The following FMN2 variants were observed in gnomAD, a reference collection of about 807,000 sequenced individuals.
The protein encoded by FMN2 is formin-2.
In FMN2, 51 loss-of-function variants were observed where a neutral mutation model predicts 142.3. That is an observed-to-expected ratio of 0.36 (90% confidence interval 0.29 to 0.45). The LOEUF is 0.45. Among genes scored for constraint, FMN2 ranks in the 20% least tolerant of loss-of-function variants. The pLI, the probability that FMN2 is intolerant of heterozygous loss-of-function variation, is 1.00. For synonymous variants in FMN2, 882 were observed against 869.8 expected, an observed-to-expected ratio of 1.01 and a Z score of -0.25; for missense variants, 1,936 against 2,122.8, an observed-to-expected ratio of 0.91 and a Z score of 1.73.
intron 7 of FMN2, among the ~76,000 whole-genome samples, chr1:240,269,072 T>C (rs920654073): frequency 2.0e-5 from 3 of 152,044 alleles, no homozygotes; most frequent in Non-Finnish European, 4.4e-5. Context: ...CATTTGTCTA[T>C]TTTCTACTTT....
At chr1:240,144,154 T>C in intron 2 of FMN2, 1 of 1,377,172 alleles carries the variant, frequency 7.3e-7, no homozygotes, top group Non-Finnish European at 1.0e-6. Context: ...GCAGCTGCAC[T>C]CAACATTCCG....
intron 15 of FMN2, among the ~76,000 whole-genome samples, chr1:240,399,001 C>T (rs535216267): frequency 1.3e-5 from 2 of 151,818 alleles, no homozygotes; most frequent in East Asian, 3.9e-4. Flanking sequence ...GGATTGCAGC[C>T]CTGGGCAGTC....
chr1:240,143,736 C>G (rs1468832045), intron 2 of FMN2: 12 of 1,536,784 alleles, frequency 7.8e-6, no homozygotes, highest in Non-Finnish European at 9.0e-6. Context: ...AGTCCTTGAG[C>G]TCAGTACTTC....
intron 7 of FMN2, among the ~76,000 whole-genome samples, chr1:240,286,424 C>T (rs1479069295): frequency 1.3e-5 from 2 of 152,150 alleles, no homozygotes; most frequent in Non-Finnish European, 2.9e-5. Context: ...ATCCAGTGCT[C>T]CTTGTTTCTG....
At chr1:240,370,278 T>G (rs1242035977) in intron 14 of FMN2, among the ~76,000 whole-genome samples, 1 of 152,202 alleles carries the variant, frequency 6.6e-6, no homozygotes, top group Non-Finnish European at 1.5e-5. Flanking sequence ...GTTCTGAAAC[T>G]TTTTGATATC....
Position 240,328,958 on chromosome 1 carries a change from G to A in FMN2, c.4216-118G>A, listed in dbSNP as rs981608783. On this transcript the variant is annotated intron_variant, in intron 8 of 17. Coordinates refer to ENST00000319653, the MANE Select transcript of FMN2 (RefSeq NM_020066.5). ...ACTATATACAGATGCTAAGAAACAT[G>A]AAAATATATAGCGTTTCGCTGTATT... 3.5e-6 allele frequency: 3 copies of A among 855,262 alleles called. No homozygotes were observed. The Admixed American group carries it at 8.1e-5, about 23-fold the overall frequency. 53.0% of individuals were successfully genotyped at this position (855,262 alleles called of 1,614,324 possible).
chr1:240,240,839 A>G (rs931041709), intron 6 of FMN2, among the ~76,000 whole-genome samples: 3 of 152,346 alleles, frequency 2.0e-5, no homozygotes, highest in East Asian at 3.9e-4. Context: ...TCTCCTTTCC[A>G]AGATATTTGA....
intron 13 of FMN2, 127 bp from the exon 14 acceptor site, chr1:240,355,689 G>A (rs183416871): frequency 1.3e-5 from 7 of 527,988 alleles, no homozygotes; most frequent in Admixed American, 3.4e-5. Flanking sequence ...TTTCCAAAAT[G>A]TGTGCAGAAC....
chr1:240,384,075 A>G (rs1023338095), intron 14 of FMN2, among the ~76,000 whole-genome samples: 2 of 152,108 alleles, frequency 1.3e-5, no homozygotes, highest in African/African-American at 4.8e-5. Flanking sequence ...ACATGTTCTC[A>G]CTTTCAAGTG....
chr1:240,285,197 G>A (rs771839153), intron 7 of FMN2: 2 of 455,240 alleles, frequency 4.4e-6, no homozygotes, highest in South Asian at 1.6e-5. Flanking sequence ...GGGTGGGTGT[G>A]GTGAGGTGAA....
intron 14 of FMN2, among the ~76,000 whole-genome samples, chr1:240,368,962 T>TATAC (rs1558457037): frequency 6.6e-6 from 1 of 151,200 alleles, no homozygotes; most frequent in Non-Finnish European, 1.5e-5. Flanking sequence ...TGTTTATATA[T>TATAC]ATATATATAT....
chr1:240,145,017 G>C (rs1571979979), intron 2 of FMN2: 1 of 1,348,718 alleles, frequency 7.4e-7, no homozygotes. Flanking sequence ...GCAGCAAAAT[G>C]CTCATTCTCC....
At chr1:240,139,560 G>A (rs543631494) in intron 2 of FMN2, among the ~76,000 whole-genome samples, 63 of 152,226 alleles carry the variant, frequency 4.1e-4, no homozygotes, top group South Asian at 1.2e-3. Flanking sequence ...CAAAGAGAAT[G>A]ATAAAGACAA....
intron 4 of FMN2, among the ~76,000 whole-genome samples, chr1:240,195,825 A>G (rs978553465): frequency 6.6e-6 from 1 of 151,946 alleles, no homozygotes; most frequent in Non-Finnish European, 1.5e-5. Context: ...TGAGACTAGC[A>G]TTGGCAACAT....
chr1:240,415,945 C>T (rs2103132939), intron 15 of FMN2, among the ~76,000 whole-genome samples: 1 of 152,248 alleles, frequency 6.6e-6, no homozygotes, highest in South Asian at 2.1e-4. Context: ...CTTCTCCAGC[C>T]TCCTTCAGCT....
In FMN2 at chr1:240,266,569, T is replaced by C. The variant is rs80064032; in HGVS notation, c.4153+8537T>C. On this transcript the variant is annotated intron_variant, in intron 7 of 17. Transcript: ENST00000319653. ...TGTTTGTTTTTTGGCTGTGTAATGT[T>C]CCGTGGTATATATGTACCATGTTTT... Among the ~76,000 whole-genome samples the C allele has an allele frequency of 5.7e-3, 871 of 152,242 alleles. 40 individuals are homozygous for C. Among genetic ancestry groups the C allele is most frequent in the Admixed American group, 0.044 (670 of 15,264 alleles).
At chr1:240,227,326 A>G (rs934818147) in intron 6 of FMN2, among the ~76,000 whole-genome samples, 1 of 152,204 alleles carries the variant, frequency 6.6e-6, no homozygotes, top group Non-Finnish European at 1.5e-5. Flanking sequence ...TGCCATGGTT[A>G]TGGATGGGAA....
intron 7 of FMN2, among the ~76,000 whole-genome samples, chr1:240,269,034 G>A (rs1208384901): frequency 1.3e-5 from 2 of 151,890 alleles, no homozygotes; most frequent in Non-Finnish European, 1.5e-5. Flanking sequence ...TTGTTTGTGT[G>A]CAGAAGCATT....
chr1:240,144,649 A>G, intron 2 of FMN2: 1 of 1,288,990 alleles, frequency 7.8e-7, no homozygotes, highest in Non-Finnish European at 1.1e-6. Flanking sequence ...CTGAGTTCTC[A>G]GGCTCAGACA....
Sources: gnomAD v4.1 joint callset for allele counts (sites outside exome capture counted in the v4.1 genomes callset) on GRCh38, gnomAD v4.1.1 for gene constraint, MANE v1.5 for transcripts, NCBI Gene and HGNC (gene_info 2026-07-23, HGNC 2026-07-21) for gene names.